Variants in TPRG1 observed in about 807,000 individuals in gnomAD.
The protein encoded by TPRG1 is tumor protein p63 regulated 1, also known as tumor protein p63-regulated gene 1 protein.
TPRG1 carries 29 observed loss-of-function variants against 29.3 expected under a neutral mutation model. The observed-to-expected ratio is 0.99, with a 90% CI of 0.74 to 1.35. The LOEUF is 1.35. TPRG1 is among the 40% of genes most tolerant of loss of function. TPRG1 has a pLI of 0.00. For missense variants in TPRG1, 327 were observed against 335.0 expected (o/e 0.98, Z 0.19); for synonymous variants, 130 against 116.8 (o/e 1.11, Z -0.73).
chr3:189,038,525 A>G (rs1714427504), intron 4 of TPRG1, among the ~76,000 whole-genome samples: 1 of 152,092 alleles, frequency 6.6e-6, no homozygotes, highest in Non-Finnish European at 1.5e-5. Context: ...AACTGGTGAG[A>G]AAATAATGGA....
At chr3:189,251,945 A>G (rs536632876) in intron 4 of TPRG1, among the ~76,000 whole-genome samples, 1 of 152,262 alleles carries the variant, frequency 6.6e-6, no homozygotes, top group South Asian at 2.1e-4. Context: ...GGGGACGGTC[A>G]GGTCTTTCCC....
rs776176313 is a variant in TPRG1, at chr3:189,320,653, C to T, written c.661C>T (p.Pro221Ser). 1 of 1,610,282 alleles carries T rather than the reference C, an allele frequency of 6.2e-7. No homozygotes were observed. Among genetic ancestry groups the T allele is most frequent in the South Asian group, 1.1e-5 (1 of 90,434 alleles). Reference protein sequence around the residue: ...KLSGFMSKLVPAIQNAHKNST... With the variant: ...KLSGFMSKLVSAIQNAHKNST... The stretch of plus-strand genomic sequence containing the variant: ...GTCTGGGTTCATGTCTAAGCTTGTT[C>T]CAGCTATCCAGAATGCCCACAAGAA... The change falls in exon 6 of 6, where the codon CCA becomes TCA. Residue 221 changes from proline to serine, a missense_variant. Pro to Ser is a moderately conservative substitution (Grantham distance 74). Transcript: ENST00000345063.
chr3:189,265,863 G>GT (rs899701380), intron 4 of TPRG1, among the ~76,000 whole-genome samples: 3 of 152,136 alleles, frequency 2.0e-5, no homozygotes, highest in African/African-American at 7.2e-5. Context: ...TTCCACTCCT[G>GT]TACTGTTCAC....
intron 4 of TPRG1, among the ~76,000 whole-genome samples, chr3:189,034,568 C>A (rs1392844698): frequency 6.6e-6 from 1 of 151,918 alleles, no homozygotes; most frequent in East Asian, 1.9e-4. Context: ...GAAATAAAGG[C>A]AAATGAATAG....
intron 1 of TPRG1, among the ~76,000 whole-genome samples, chr3:189,120,761 C>T (rs189603487): frequency 3.3e-5 from 5 of 152,262 alleles, no homozygotes; most frequent in Non-Finnish European, 7.4e-5. Flanking sequence ...GAAATTTCAT[C>T]TAAATTATAG....
chr3:189,150,385 G>T (rs1470618557), intron 4 of TPRG1, among the ~76,000 whole-genome samples: 1 of 152,144 alleles, frequency 6.6e-6, no homozygotes, highest in African/African-American at 2.4e-5. Context: ...GTTTTACCAT[G>T]TTGGTCAGCC....
intron 5 of TPRG1, among the ~76,000 whole-genome samples, chr3:189,152,102 C>A (rs763596230): frequency 1.3e-5 from 2 of 152,078 alleles, no homozygotes; most frequent in Non-Finnish European, 2.9e-5. Context: ...GCACAAGGCT[C>A]TTATTCTCGT....
chr3:189,082,054 G>A (rs897865019), intron 4 of TPRG1, among the ~76,000 whole-genome samples: 1 of 152,140 alleles, frequency 6.6e-6, no homozygotes, highest in African/African-American at 2.4e-5. Context: ...TGGACTTGTT[G>A]TCTGAGGTGG....
chr3:189,062,093 A>T (rs969589650), intron 4 of TPRG1, among the ~76,000 whole-genome samples: 10 of 152,372 alleles, frequency 6.6e-5, no homozygotes, highest in African/African-American at 2.4e-4. Context: ...ACACCATGTT[A>T]TACTGTGCAG....
intron 4 of TPRG1, among the ~76,000 whole-genome samples, chr3:189,024,814 G>A (rs566040522): frequency 6.6e-6 from 1 of 152,330 alleles, no homozygotes; most frequent in African/African-American, 2.4e-5. Context: ...GCCACATTTT[G>A]ATAAAGCATC....
intron 3 of TPRG1, among the ~76,000 whole-genome samples, chr3:189,009,644 T>A (rs1180159661): frequency 6.6e-6 from 1 of 152,066 alleles, no homozygotes; most frequent in East Asian, 1.9e-4. Context: ...CTATTAATGC[T>A]TTCTGATCAT....
intron 5 of TPRG1, among the ~76,000 whole-genome samples, chr3:189,152,148 T>C: frequency 6.6e-6 from 1 of 152,030 alleles, no homozygotes; most frequent in Non-Finnish European, 1.5e-5. Flanking sequence ...ATTTTGTCAG[T>C]TTCTGCTTCC....
intron 1 of TPRG1, among the ~76,000 whole-genome samples, chr3:189,125,810 G>GTT (rs1045277368): frequency 1.0e-4 from 14 of 135,902 alleles, no homozygotes; most frequent in African/African-American, 2.2e-4. Context: ...GCTGCAGGGT[G>GTT]TTTTGTGTGT....
At chr3:189,125,460 A>G (rs1722342114) in intron 1 of TPRG1, among the ~76,000 whole-genome samples, 1 of 152,118 alleles carries the variant, frequency 6.6e-6, no homozygotes, top group Non-Finnish European at 1.5e-5. Flanking sequence ...AGACCATATG[A>G]TCTTCTTCCA....
intron 4 of TPRG1, among the ~76,000 whole-genome samples, chr3:189,292,320 C>CTTTCTACCTGTT (rs1719146016): frequency 8.2e-6 from 1 of 121,254 alleles, no homozygotes; most frequent in African/African-American, 3.2e-5. Flanking sequence ...CTTATCTGTA[C>CTTTCTACCTGTT]TTTCTACCTG....
At chr3:189,162,825 C>T (rs1727659978) in intron 5 of TPRG1, among the ~76,000 whole-genome samples, 1 of 152,158 alleles carries the variant, frequency 6.6e-6, no homozygotes, top group South Asian at 2.1e-4. Flanking sequence ...TATAAAATTT[C>T]AATAACATAT....
intron 4 of TPRG1, among the ~76,000 whole-genome samples, chr3:189,045,164 C>T (rs916281182): frequency 1.6e-4 from 24 of 152,214 alleles, no homozygotes; most frequent in Non-Finnish European, 3.2e-4. Flanking sequence ...AAACATTACA[C>T]TAAGATAAAC....
At chr3:189,227,103 A>T (rs906685893) in intron 3 of TPRG1, among the ~76,000 whole-genome samples, 2 of 151,986 alleles carry the variant, frequency 1.3e-5, no homozygotes, top group Non-Finnish European at 2.9e-5. Flanking sequence ...ATTGGAGCCC[A>T]GGAGTTGGAT....
intron 1 of TPRG1, among the ~76,000 whole-genome samples, chr3:188,998,362 C>T (rs1711894317): frequency 6.6e-6 from 1 of 152,148 alleles, no homozygotes; most frequent in Non-Finnish European, 1.5e-5. Flanking sequence ...CTATAAAGTT[C>T]CCCAAATGGG....
Sources: gnomAD v4.1 joint callset for allele counts (sites outside exome capture counted in the v4.1 genomes callset) on GRCh38, gnomAD v4.1.1 for gene constraint, MANE v1.5 for transcripts, NCBI Gene and HGNC (gene_info 2026-07-23, HGNC 2026-07-21) for gene names.